Variants in EIF2B3 observed in about 807,000 individuals in gnomAD.
EIF2B3 encodes the protein translation initiation factor eIF2B subunit gamma.
A neutral mutation model predicts 54.1 loss-of-function variants in EIF2B3; 20 were observed. The observed-to-expected ratio is 0.37, with a 90% CI of 0.26 to 0.54. The LOEUF (loss-of-function observed/expected upper bound fraction) is 0.54. EIF2B3 is among the 20% of genes least tolerant of loss of function. The pLI, the probability that EIF2B3 is intolerant of heterozygous loss-of-function variation, is 0.86. For missense variants in EIF2B3, 448 were observed against 547.8 expected, an observed-to-expected ratio of 0.82 and a Z score of 1.82; for synonymous variants, 153 against 188.1, an observed-to-expected ratio of 0.81 and a Z score of 1.52.
At chr1:44,851,770 T>G (rs545952767) in intron 11 of EIF2B3, among the ~76,000 whole-genome samples, 1 of 152,166 alleles carries the variant, frequency 6.6e-6, no homozygotes, top group Non-Finnish European at 1.5e-5. Flanking sequence ...TAATGACACC[T>G]ACTGCATAGG....
chr1:44,979,799 A>G (rs1644494836), intron 2 of EIF2B3, among the ~76,000 whole-genome samples: 4 of 152,120 alleles, frequency 2.6e-5, no homozygotes, highest in Non-Finnish European at 4.4e-5. Context: ...CCCTGTCTCT[A>G]TTAAAAATAC....
chr1:44,949,264 T>C (rs950290078), intron 3 of EIF2B3, among the ~76,000 whole-genome samples: 3 of 152,226 alleles, frequency 2.0e-5, no homozygotes, highest in African/African-American at 7.2e-5. Flanking sequence ...ATTCAGGTCT[T>C]GTCACAGTTA....
At position 44,895,044 on chromosome 1, in the gene EIF2B3, T is replaced by C. The variant is rs79047003; in HGVS notation, c.656+2311A>G. The stretch of plus-strand genomic sequence containing the variant: ...TGCTGTGCCTTTTTACTTTTTCCAA[T>C]ATATTGAAATATATCAATTTTCAAT... On this transcript the variant is annotated intron_variant, in intron 6 of 11. Coordinates refer to ENST00000360403, the MANE Select transcript of EIF2B3 (RefSeq NM_020365.5). Among the ~76,000 whole-genome samples the C allele has an allele frequency of 7.6e-3, 1,164 of 152,336 alleles. 12 individuals are homozygous for C. The highest frequency in any genetic ancestry group is 0.026 in the African/African-American group (1,099 of 41,572).
chr1:44,876,573 T>TGA (rs1553169285), intron 8 of EIF2B3, among the ~76,000 whole-genome samples: 2 of 232 alleles, frequency 8.6e-3, no homozygotes, highest in South Asian at 0.12. Context: ...GGGAGGGAGG[T>TGA]GGGGGTCAGC....
chr1:44,876,104 G>A (rs1557665708), intron 8 of EIF2B3, among the ~76,000 whole-genome samples: 1 of 152,226 alleles, frequency 6.6e-6, no homozygotes, highest in African/African-American at 2.4e-5. Context: ...TGCCCAGGCT[G>A]GAGTGCAGTG....
intron 2 of EIF2B3, among the ~76,000 whole-genome samples, chr1:44,978,767 G>A (rs1451237504): frequency 6.6e-6 from 1 of 150,440 alleles, no homozygotes; most frequent in Non-Finnish European, 1.5e-5. Context: ...CTCCCAAGTA[G>A]CTGAGACTAC....
chr1:44,933,224 AATC>A (rs1261138805), intron 4 of EIF2B3, among the ~76,000 whole-genome samples: 1 of 152,240 alleles, frequency 6.6e-6, no homozygotes, highest in African/African-American at 2.4e-5. Flanking sequence ...AGAGAAAAGT[AATC>A]ATATACTACA....
chr1:44,861,083 A>T (rs1411578069), intron 10 of EIF2B3, among the ~76,000 whole-genome samples: 4 of 152,336 alleles, frequency 2.6e-5, no homozygotes, highest in Non-Finnish European at 4.4e-5. Flanking sequence ...TCTGTGGTGT[A>T]GGCTAGAGAT....
chr1:44,924,851 C>T (rs1234667393), intron 5 of EIF2B3: 1 of 152,112 alleles, frequency 6.6e-6, no homozygotes, highest in Non-Finnish European at 1.5e-5. Flanking sequence ...AGGATAGCTT[C>T]TTTGTCTTTT....
At chr1:44,920,429 T>C (rs950587022) in intron 5 of EIF2B3, among the ~76,000 whole-genome samples, 1 of 152,202 alleles carries the variant, frequency 6.6e-6, no homozygotes, top group African/African-American at 2.4e-5. Flanking sequence ...ACAATTAAAT[T>C]ATTTTTTATT....
chr1:44,954,637 G>A (rs914883801), intron 3 of EIF2B3, among the ~76,000 whole-genome samples: 1 of 152,084 alleles, frequency 6.6e-6, no homozygotes, highest in Non-Finnish European at 1.5e-5. Flanking sequence ...GGGACGATGG[G>A]GTTTTCTAAA....
chr1:44,904,987 A>G (rs1643386922), intron 5 of EIF2B3, among the ~76,000 whole-genome samples: 1 of 152,236 alleles, frequency 6.6e-6, no homozygotes, highest in African/African-American at 2.4e-5. Context: ...ACCTATGGCT[A>G]CTACTTACTA....
At chr1:44,953,131 C>A (rs28707013) in intron 3 of EIF2B3, among the ~76,000 whole-genome samples, 26,135 of 148,210 alleles carry the variant, frequency 0.18, 2,409 homozygotes, top group African/African-American at 0.19. Flanking sequence ...TAAAAAAAAC[C>A]CAACTTGCCT....
intron 5 of EIF2B3, among the ~76,000 whole-genome samples, chr1:44,900,207 G>A (rs1643252206): frequency 1.3e-5 from 2 of 152,152 alleles, no homozygotes; most frequent in African/African-American, 2.4e-5. Context: ...AGCACTTTGG[G>A]AAGCCAAGGT....
At position 44,881,787 on chromosome 1, in the gene EIF2B3, ATACCC is replaced by A. The variant is rs1469938486; in HGVS notation, c.657-53_657-49del. ...TATGAGAAACCTGACTGTCTGGAACATACCCGGATCAAAAGCTCTGTGCATACAAG... is the reference window on the plus strand; with the variant it reads ...TATGAGAAACCTGACTGTCTGGAACAGGATCAAAAGCTCTGTGCATACAAG... On this transcript the variant is annotated intron_variant, in intron 6 of 11. Transcript: ENST00000360403. The surrounding 1 kb of genome is among the most constrained non-coding windows in gnomAD (Gnocchi z 4.0). 3.1e-6 allele frequency: 5 copies of A among 1,609,874 alleles called. No homozygotes were observed. In the Admixed American group the frequency reaches 6.7e-5, roughly 21 times the overall value.
intron 5 of EIF2B3, among the ~76,000 whole-genome samples, chr1:44,901,786 C>T (rs550283194): frequency 2.6e-5 from 4 of 151,982 alleles, no homozygotes; most frequent in South Asian, 4.2e-4. Context: ...GTCTTGAACT[C>T]CTGGTTCAAG....
chr1:44,908,162 C>T (rs1387548132), intron 5 of EIF2B3, among the ~76,000 whole-genome samples: 2 of 152,190 alleles, frequency 1.3e-5, no homozygotes, highest in Non-Finnish European at 2.9e-5. Flanking sequence ...CACAAGGTGA[C>T]ACTCTGGCTC....
chr1:44,948,100 C>A (rs1644122550), intron 3 of EIF2B3, among the ~76,000 whole-genome samples: 1 of 152,172 alleles, frequency 6.6e-6, no homozygotes, highest in African/African-American at 2.4e-5. Context: ...GTCTATAGTC[C>A]TCAAAGTGCA....
chr1:44,930,281 G>A (rs1643884753), intron 4 of EIF2B3, among the ~76,000 whole-genome samples: 1 of 152,086 alleles, frequency 6.6e-6, no homozygotes, highest in Non-Finnish European at 1.5e-5. Flanking sequence ...GCCAAAACCA[G>A]GCAAGGATAT....
Sources: allele counts gnomAD v4.1 joint callset (sites outside exome capture counted in the v4.1 genomes callset), GRCh38; gene constraint gnomAD v4.1.1; non-coding constraint Gnocchi (gnomAD v3.1); transcripts MANE v1.5; gene names NCBI Gene and HGNC (gene_info 2026-07-23, HGNC 2026-07-21).